The following LRMDA variants were observed in gnomAD, a reference collection of about 807,000 sequenced individuals.
LRMDA encodes the protein leucine-rich melanocyte differentiation-associated protein.
Under a neutral mutation model 29.8 loss-of-function variants are expected in LRMDA, and 18 were observed. The observed-to-expected ratio is 0.60, with a 90% confidence interval of 0.42 to 0.90. The LOEUF (loss-of-function observed/expected upper bound fraction) is 0.90, where lower values mean the gene tolerates loss of function less well. Among genes scored for constraint, LRMDA ranks in the 40% least tolerant of loss-of-function variants. LRMDA has a pLI of 0.00. For synonymous variants in LRMDA, 125 were observed against 109.4 expected, an observed-to-expected ratio of 1.14 and a Z score of -0.89; for missense variants, 273 against 273.9, an observed-to-expected ratio of 1.00 and a Z score of 0.02.
intron 2 of LRMDA, among the ~76,000 whole-genome samples, chr10:75,918,886 T>C (rs1213527043): frequency 6.6e-6 from 1 of 152,046 alleles, no homozygotes; most frequent in Non-Finnish European, 1.5e-5. Context: ...CCAGGCACTG[T>C]GTGTGAAGAA....
chr10:76,463,842 C>T (rs529825102), intron 6 of LRMDA, among the ~76,000 whole-genome samples: 3 of 151,590 alleles, frequency 2.0e-5, no homozygotes, highest in East Asian at 1.9e-4. Context: ...GAGCTAGACT[C>T]TTATCTAACT....
intron 6 of LRMDA, among the ~76,000 whole-genome samples, chr10:76,409,375 A>AT (rs1449616947): frequency 5.3e-5 from 8 of 152,194 alleles, no homozygotes; most frequent in Admixed American, 3.9e-4. Flanking sequence ...CCAAGGTCTG[A>AT]TTTTTTGTAT....
At chr10:75,626,741 G>T (rs1589139099) in intron 2 of LRMDA, among the ~76,000 whole-genome samples, 1 of 152,164 alleles carries the variant, frequency 6.6e-6, no homozygotes, top group South Asian at 2.1e-4. Flanking sequence ...ACATACAGTT[G>T]TTTATGTGAC....
rs141358333 is a variant in LRMDA at position 76,548,630 on chromosome 10, A to G, written c.602-8579A>G. ...TCTGTTTGATTGAAATACAATGTGT[A>G]TAGAGGTAGGAGCCAAAAAAGGGAG... On this transcript the variant is annotated intron_variant, in intron 6 of 6. Coordinates refer to ENST00000611255, the MANE Select transcript of LRMDA (RefSeq NM_001305581.2). Among the ~76,000 whole-genome samples the G allele has an allele frequency of 1.1e-4, 16 of 152,252 alleles. No individual in the cohort carries two copies. In the East Asian group the frequency reaches 2.9e-3, roughly 28 times the overall value.
Position 75,438,445 on chromosome 10 carries a change from G to T in LRMDA, c.82G>T (p.Asp28Tyr), listed in dbSNP as rs2132022025. 3 of 1,550,956 alleles carry T rather than the reference G, an allele frequency of 1.9e-6. No individual in the cohort carries two copies. Among genetic ancestry groups the T allele is most frequent in the Non-Finnish European group, 2.6e-6 (3 of 1,147,070 alleles). ...CREIPEHLGR[D>Y]CGHFAKRLDL... ...AGAAATTCCAGAGCACCTTGGCAGG[G>T]ACTGTGGACATTTCGCAAAGAGGCT... is the stretch of plus-strand genomic sequence containing the variant. Residue 28 changes from aspartate (D) to tyrosine (Y), a missense_variant, in exon 2 of 7, where the codon GAC becomes TAC. Coordinates refer to ENST00000611255, the MANE Select transcript of LRMDA (RefSeq NM_001305581.2).
intron 2 of LRMDA, among the ~76,000 whole-genome samples, chr10:75,697,850 T>TGTGTGCGCGCGC (rs10664076): frequency 2.6e-5 from 4 of 151,586 alleles, no homozygotes; most frequent in African/African-American, 9.7e-5. Context: ...TGTGTGTGTG[T>TGTGTGCGCGCGC]GCGTGTGTGT....
intron 6 of LRMDA, among the ~76,000 whole-genome samples, chr10:76,428,118 T>C (rs139218487): frequency 6.6e-6 from 1 of 152,304 alleles, no homozygotes; most frequent in Admixed American, 6.5e-5. Flanking sequence ...TTTCTTATTA[T>C]GCTCACTACT....
At chr10:76,134,286 C>G (rs1589342717) in intron 5 of LRMDA, among the ~76,000 whole-genome samples, 1 of 152,172 alleles carries the variant, frequency 6.6e-6, no homozygotes, top group South Asian at 2.1e-4. Context: ...GATGGTGAGA[C>G]TTGGCGGTGA....
chr10:75,708,324 T>C (rs1268852345), intron 2 of LRMDA, among the ~76,000 whole-genome samples: 2 of 152,202 alleles, frequency 1.3e-5, no homozygotes, highest in Non-Finnish European at 2.9e-5. Flanking sequence ...CCAGAATACA[T>C]AAACAATCTT....
Position 76,342,750 on chromosome 10 carries a change from G to A in LRMDA, c.601+18265G>A, listed in dbSNP as rs1282399364. ...GCAAATATCTGAAAATCTACATCAA[G>A]TGGATAATTTTGTAGGAAAATATAA... On this transcript the variant is annotated intron_variant, in intron 6 of 6. Coordinates refer to ENST00000611255, the MANE Select transcript of LRMDA (RefSeq NM_001305581.2). 2.0e-5 allele frequency among the ~76,000 whole-genome samples: 3 copies of A among 152,250 alleles called. No homozygotes were observed. In the East Asian group the frequency reaches 5.8e-4, roughly 29 times the overall value.
chr10:76,116,442 T>C (rs1361765891), intron 5 of LRMDA, among the ~76,000 whole-genome samples: 1 of 152,150 alleles, frequency 6.6e-6, no homozygotes, highest in Admixed American at 6.5e-5. Context: ...ACTTGCCCAG[T>C]GGAAGTCAAG....
At chr10:76,443,504 A>G (rs1219333453) in intron 6 of LRMDA, among the ~76,000 whole-genome samples, 1 of 152,210 alleles carries the variant, frequency 6.6e-6, no homozygotes, top group East Asian at 1.9e-4. Flanking sequence ...TGGCAAGCAC[A>G]TGGGCCATGA....
intron 2 of LRMDA, among the ~76,000 whole-genome samples, chr10:75,537,324 G>A (rs1839961712): frequency 6.6e-6 from 1 of 152,140 alleles, no homozygotes. Context: ...CCTAAGGCAG[G>A]CCATGTGGCT....
intron 5 of LRMDA, among the ~76,000 whole-genome samples, chr10:76,140,737 A>C (rs898857759): frequency 6.6e-6 from 1 of 152,160 alleles, no homozygotes; most frequent in Non-Finnish European, 1.5e-5. Context: ...CTTCTCGAGA[A>C]GAATGAACAC....
intron 2 of LRMDA, among the ~76,000 whole-genome samples, chr10:75,908,521 G>A (rs1178484560): frequency 6.6e-6 from 1 of 152,180 alleles, no homozygotes; most frequent in Non-Finnish European, 1.5e-5. Flanking sequence ...TTTTTTGGGA[G>A]GAAGGGTTTA....
intron 2 of LRMDA, among the ~76,000 whole-genome samples, chr10:75,459,082 T>C (rs1400565245): frequency 1.1e-4 from 16 of 151,798 alleles, no homozygotes; most frequent in Admixed American, 1.1e-3. Flanking sequence ...CGCAGCAAGA[T>C]GGAATGTGGA....
intron 5 of LRMDA, among the ~76,000 whole-genome samples, chr10:76,308,445 A>G (rs1252983632): frequency 6.6e-6 from 1 of 152,186 alleles, no homozygotes; most frequent in African/African-American, 2.4e-5. Flanking sequence ...TGGCCCCAGG[A>G]AAGGCCGTGC....
intron 2 of LRMDA, among the ~76,000 whole-genome samples, chr10:75,792,179 T>C (rs1843579196): frequency 6.6e-6 from 1 of 152,114 alleles, no homozygotes; most frequent in Admixed American, 6.5e-5. Flanking sequence ...TTATCTGAAC[T>C]AACCCCAGCT....
chr10:75,479,599 T>G (rs900015858), intron 2 of LRMDA, among the ~76,000 whole-genome samples: 5 of 152,016 alleles, frequency 3.3e-5, no homozygotes, highest in Non-Finnish European at 5.9e-5. Flanking sequence ...ATTCATTCAT[T>G]CATTTACTCA....
Sources: allele counts gnomAD v4.1 joint callset (sites outside exome capture counted in the v4.1 genomes callset), GRCh38; gene constraint gnomAD v4.1.1; transcripts MANE v1.5; gene names NCBI Gene and HGNC (gene_info 2026-07-23, HGNC 2026-07-21).